The following MACROD2 variants were observed in gnomAD, a reference collection of about 807,000 sequenced individuals.
The protein encoded by MACROD2 is ADP-ribose glycohydrolase MACROD2.
In MACROD2, 36 loss-of-function variants were observed where a neutral mutation model predicts 70.4. The observed-to-expected ratio is 0.51, with a 90% CI of 0.39 to 0.68. MACROD2 has a LOEUF of 0.68. Among genes scored for constraint, MACROD2 ranks in the 30% least tolerant of loss-of-function variants. MACROD2 has a pLI of 0.00. For missense variants in MACROD2, 496 were observed against 538.4 expected, an observed-to-expected ratio of 0.92 and a Z score of 0.78; for synonymous variants, 172 against 178.8, an observed-to-expected ratio of 0.96 and a Z score of 0.30.
chr20:14,574,651 ATATAT>A (rs1980449718), intron 4 of MACROD2, among the ~76,000 whole-genome samples: 1 of 150,942 alleles, frequency 6.6e-6, no homozygotes, highest in African/African-American at 2.4e-5. Context: ...AAATTATAAA[ATATAT>A]TATTATGAAA....
In MACROD2 at chr20:15,750,190, C is replaced by T. The variant is rs547174063; in HGVS notation, c.646-112555C>T. Among the ~76,000 whole-genome samples, 38 of 151,984 alleles carry T rather than the reference C, an allele frequency of 2.5e-4. No individual in the cohort carries two copies. In the East Asian group the frequency reaches 2.7e-3, roughly 11 times the overall value. ...AGTCCAATTAAAAGTGGGCAAAAGA[C>T]GTTAATAGACATTCCTTAAAAGAAG... is the stretch of plus-strand genomic sequence containing the variant. On this transcript the variant is annotated intron_variant, in intron 8 of 17. Coordinates refer to ENST00000684519, the MANE Select transcript of MACROD2 (RefSeq NM_001351661.2).
intron 2 of MACROD2, among the ~76,000 whole-genome samples, chr20:14,042,915 T>TG (rs1441872500): frequency 7.0e-6 from 1 of 143,648 alleles, no homozygotes; most frequent in East Asian, 2.1e-4. Context: ...ACCCAGGTGG[T>TG]GGGTTTTTTT....
chr20:15,772,100 AAATATAT>A lies in MACROD2; in HGVS notation c.646-90643_646-90637del, dbSNP rs1217009005. On this transcript the variant is annotated intron_variant, in intron 8 of 17. Transcript: ENST00000684519. ...ACTCGGTCTCAAAAAAAAAAAAAAA[AAATATAT>A]ATATATATATATATATATATATTTC... Among the ~76,000 whole-genome samples the A allele has an allele frequency of 2.3e-3, 206 of 89,680 alleles. 2 individuals are homozygous for A. Among genetic ancestry groups the A allele is most frequent in the African/African-American group, 0.012 (195 of 15,906 alleles). The allele number at this position is 89,680 out of a possible 152,430, so 58.8% of individuals were successfully genotyped here. A position where few individuals can be genotyped will look rare whatever the true frequency, so the allele number is the denominator to read the frequency against.
At chr20:15,876,621 A>G (rs754963468) in intron 9 of MACROD2, among the ~76,000 whole-genome samples, 2 of 152,150 alleles carry the variant, frequency 1.3e-5, no homozygotes, top group Non-Finnish European at 2.9e-5. Flanking sequence ...TCCTTTGGGT[A>G]TATACCCAGT....
intron 8 of MACROD2, among the ~76,000 whole-genome samples, chr20:15,537,620 C>A (rs944612811): frequency 6.6e-5 from 10 of 151,952 alleles, no homozygotes; most frequent in Admixed American, 6.6e-5. Flanking sequence ...ACTACAGGTG[C>A]ACACTACCAT....
intron 8 of MACROD2, among the ~76,000 whole-genome samples, chr20:15,775,560 TC>T (rs2051707698): frequency 6.6e-6 from 1 of 152,112 alleles, no homozygotes; most frequent in African/African-American, 2.4e-5. Context: ...TATTTTGGGG[TC>T]CCTTTGGCCA....
intron 5 of MACROD2, among the ~76,000 whole-genome samples, chr20:14,856,751 G>A (rs996551992): frequency 1.3e-5 from 2 of 152,138 alleles, no homozygotes; most frequent in African/African-American, 4.8e-5. Flanking sequence ...CTGCTGGTGT[G>A]AGGACTGCAC....
intron 2 of MACROD2, among the ~76,000 whole-genome samples, chr20:14,024,568 C>T (rs2053132420): frequency 6.6e-6 from 1 of 152,102 alleles, no homozygotes; most frequent in Admixed American, 6.6e-5. Context: ...CCATCAGTAC[C>T]TAGCTTATTG....
chr20:15,326,716 A>G (rs774975716), intron 6 of MACROD2, among the ~76,000 whole-genome samples: 11 of 152,120 alleles, frequency 7.2e-5, no homozygotes, highest in Non-Finnish European at 7.4e-5. Flanking sequence ...GTGCATCACA[A>G]AGATGATGCC....
intron 6 of MACROD2, among the ~76,000 whole-genome samples, chr20:15,348,671 G>A (rs1206866087): frequency 3.3e-5 from 5 of 152,106 alleles, no homozygotes; most frequent in African/African-American, 4.8e-5. Context: ...TTACATGGTG[G>A]GAAGCAAGAG....
intron 2 of MACROD2, among the ~76,000 whole-genome samples, chr20:14,041,643 G>C (rs2053392178): frequency 6.6e-6 from 1 of 152,134 alleles, no homozygotes; most frequent in Admixed American, 6.5e-5. Flanking sequence ...CATTAGTATT[G>C]AACAGCTTGT....
chr20:15,773,639 C>T (rs1006917033), intron 8 of MACROD2, among the ~76,000 whole-genome samples: 13 of 152,120 alleles, frequency 8.5e-5, no homozygotes, highest in African/African-American at 2.9e-4. Context: ...GCATTTCAGT[C>T]ACAGGTTGAT....
chr20:15,229,854 T>C, intron 5 of MACROD2, 86 bp from the exon 6 acceptor site: 1 of 1,343,354 alleles, frequency 7.4e-7, no homozygotes, highest in Non-Finnish European at 9.8e-7. Flanking sequence ...CTAACACAAA[T>C]ACCTAAAATA....
chr20:14,019,858 A>AAT (rs1569118532), intron 2 of MACROD2, among the ~76,000 whole-genome samples: 2 of 152,022 alleles, frequency 1.3e-5, no homozygotes, highest in Admixed American at 1.3e-4. Flanking sequence ...TATCCTCCGA[A>AAT]TAATGGCTGG....
chr20:15,759,505 C>T (rs1443377890), intron 8 of MACROD2, among the ~76,000 whole-genome samples: 1 of 152,164 alleles, frequency 6.6e-6, no homozygotes, highest in Non-Finnish European at 1.5e-5. Flanking sequence ...GCTCATTGTG[C>T]AATTACATGT....
intron 8 of MACROD2, among the ~76,000 whole-genome samples, chr20:15,736,198 C>T (rs2051017685): frequency 6.6e-6 from 1 of 152,236 alleles, no homozygotes. Flanking sequence ...GTTTCTCATT[C>T]TCTCTACATC....
chr20:14,944,215 C>G (rs2074412070), intron 5 of MACROD2, among the ~76,000 whole-genome samples: 1 of 151,822 alleles, frequency 6.6e-6, no homozygotes, highest in Non-Finnish European at 1.5e-5. Flanking sequence ...GAAGAAGGAG[C>G]AGGAAGAAGA....
intron 9 of MACROD2, among the ~76,000 whole-genome samples, chr20:15,871,823 C>A (rs1276774449): frequency 6.6e-6 from 1 of 152,070 alleles, no homozygotes; most frequent in African/African-American, 2.4e-5. Context: ...ACACTCTTGT[C>A]AATGTATTAT....
chr20:14,440,812 T>C (rs2084113304), intron 3 of MACROD2, among the ~76,000 whole-genome samples: 1 of 152,134 alleles, frequency 6.6e-6, no homozygotes. Context: ...GCCCGGGGCA[T>C]GAGTAGAGGA....
Sources: allele counts gnomAD v4.1 joint callset (sites outside exome capture counted in the v4.1 genomes callset), GRCh38; gene constraint gnomAD v4.1.1; transcripts MANE v1.5; gene names NCBI Gene and HGNC (gene_info 2026-07-23, HGNC 2026-07-21).